Variants in LYPLAL1 observed in about 807,000 individuals in gnomAD.
LYPLAL1 encodes lysophospholipase like 1.
In LYPLAL1, 23 loss-of-function variants were observed where a neutral mutation model predicts 19.7. The observed-to-expected ratio is 1.17, with a 90% CI of 0.84 to 1.65. The LOEUF is 1.65. Among genes scored for constraint, LYPLAL1 ranks in the 40% most tolerant of loss-of-function variants. The pLI is 0.00. For missense variants in LYPLAL1, 355 were observed against 279.4 expected, an observed-to-expected ratio of 1.27 and a Z score of -1.93; for synonymous variants, 119 against 96.3, an observed-to-expected ratio of 1.24 and a Z score of -1.38.
the LYPLAL1 span, among the ~76,000 whole-genome samples, chr1:219,372,252 C>A: frequency 6.6e-6 from 1 of 152,198 alleles, no homozygotes; most frequent in Non-Finnish European, 1.5e-5. Context: ...GACAGGAAAC[C>A]TTTGCAATCA....
chr1:219,349,686 T>C, the LYPLAL1 span, among the ~76,000 whole-genome samples: 1 of 152,122 alleles, frequency 6.6e-6, no homozygotes, highest in Non-Finnish European at 1.5e-5. Context: ...GAGGGCAGCA[T>C]GAAAACAAAG....
chr1:219,321,162 G>A, the LYPLAL1 span, among the ~76,000 whole-genome samples: 1 of 152,140 alleles, frequency 6.6e-6, no homozygotes, highest in East Asian at 1.9e-4. Flanking sequence ...ATCTCATTGT[G>A]GTTTTGATTT....
At chr1:219,351,270 A>G in the LYPLAL1 span, among the ~76,000 whole-genome samples, 8 of 152,080 alleles carry the variant, frequency 5.3e-5, no homozygotes, top group Non-Finnish European at 7.4e-5. Flanking sequence ...ATTTGCAGAT[A>G]TCCTGCTGTT....
At chr1:219,231,806 A>G in the LYPLAL1 span, among the ~76,000 whole-genome samples, 1 of 152,160 alleles carries the variant, frequency 6.6e-6, no homozygotes, top group Non-Finnish European at 1.5e-5. Context: ...GAACATCAAT[A>G]TCTATAGACA....
chr1:219,314,434 TTTTTTTTCTTTTTC>T, the LYPLAL1 span, among the ~76,000 whole-genome samples: 1 of 151,922 alleles, frequency 6.6e-6, no homozygotes, highest in Non-Finnish European at 1.5e-5. Flanking sequence ...AGAGTTTTTA[TTTTTTTTCTTTTTC>T]TTTTTTTCTT....
chr1:219,363,900 G>T, the LYPLAL1 span, among the ~76,000 whole-genome samples: 8 of 152,226 alleles, frequency 5.3e-5, no homozygotes, highest in South Asian at 1.7e-3. Context: ...ACTCATCATG[G>T]TAATTCCAGG....
At chr1:219,300,468 G>A in the LYPLAL1 span, among the ~76,000 whole-genome samples, 2 of 148,740 alleles carry the variant, frequency 1.3e-5, no homozygotes, top group African/African-American at 4.9e-5. Flanking sequence ...GTGGAAAAGA[G>A]ATTTATAAAA....
the LYPLAL1 span, among the ~76,000 whole-genome samples, chr1:219,439,012 C>T: frequency 1.3e-5 from 2 of 152,060 alleles, no homozygotes; most frequent in Non-Finnish European, 2.9e-5. Context: ...TCATCCTGCA[C>T]GTTCCTTCAA....
chr1:219,217,379 G>GGTGTGTGTGTGT (rs371579948), downstream of LYPLAL1, among the ~76,000 whole-genome samples: 19,299 of 133,850 alleles, frequency 0.14, 1,713 homozygotes, highest in African/African-American at 0.25. Context: ...TGCCAGGTTT[G>GGTGTGTGTGTGT]GTGTGTGTGT....
chr1:219,194,875 A>G (rs934554767), intron 3 of LYPLAL1, among the ~76,000 whole-genome samples: 21 of 152,072 alleles, frequency 1.4e-4, no homozygotes, highest in African/African-American at 4.8e-4. Context: ...TGATTTGTAC[A>G]GTAAAGTAGA....
chr1:219,319,498 A>C, the LYPLAL1 span, among the ~76,000 whole-genome samples: 2 of 152,148 alleles, frequency 1.3e-5, no homozygotes, highest in Admixed American at 1.3e-4. Flanking sequence ...CCAACTACCT[A>C]TGCTGCGAAG....
At chr1:219,221,035 C>T in the LYPLAL1 span, among the ~76,000 whole-genome samples, 3 of 152,162 alleles carry the variant, frequency 2.0e-5, no homozygotes, top group African/African-American at 7.2e-5. Context: ...TGTGGCTGCC[C>T]TCATTGCAAG....
the LYPLAL1 span, among the ~76,000 whole-genome samples, chr1:219,238,342 G>A: frequency 8.5e-6 from 1 of 117,204 alleles, no homozygotes; most frequent in Non-Finnish European, 1.7e-5. Context: ...TAGTAGAGAC[G>A]GGGTTTCACT....
the LYPLAL1 span, among the ~76,000 whole-genome samples, chr1:219,369,604 AATG>A: frequency 6.6e-6 from 1 of 152,198 alleles, no homozygotes; most frequent in Non-Finnish European, 1.5e-5. Flanking sequence ...CTTGTACGTG[AATG>A]ATAATGAATC....
the LYPLAL1 span, among the ~76,000 whole-genome samples, chr1:219,330,492 G>T: frequency 6.6e-6 from 1 of 152,108 alleles, no homozygotes; most frequent in African/African-American, 2.4e-5. Flanking sequence ...CTCTTTTTAA[G>T]GCCTCTGTGT....
chr1:219,388,123 A>G, the LYPLAL1 span, among the ~76,000 whole-genome samples: 8 of 152,270 alleles, frequency 5.3e-5, no homozygotes, highest in East Asian at 9.6e-4. Flanking sequence ...TATCATGTCT[A>G]CCTTGTCCAT....
chr1:219,307,485 G>A, the LYPLAL1 span, among the ~76,000 whole-genome samples: 1 of 152,188 alleles, frequency 6.6e-6, no homozygotes, highest in African/African-American at 2.4e-5. Flanking sequence ...TGAGATATGG[G>A]TAGTGTGGCT....
At chr1:219,405,699 A>G in the LYPLAL1 span, among the ~76,000 whole-genome samples, 1 of 152,214 alleles carries the variant, frequency 6.6e-6, no homozygotes, top group African/African-American at 2.4e-5. Context: ...AGCAGGCTTC[A>G]TGCTGTGCTA....
chr1:219,193,346 A>G (rs1369202987), intron 3 of LYPLAL1, 95 bp downstream of exon 3: 13 of 859,676 alleles, frequency 1.5e-5, no homozygotes, highest in Non-Finnish European at 2.1e-5. Context: ...AAGCACTTGT[A>G]TATCATTCGA....
Sources: gnomAD v4.1 joint callset for allele counts (sites outside exome capture counted in the v4.1 genomes callset) on GRCh38, gnomAD v4.1.1 for gene constraint, MANE v1.5 for transcripts, NCBI Gene and HGNC (gene_info 2026-07-23, HGNC 2026-07-21) for gene names.